POLR2B: variants seen among roughly 807,000 people sequenced by gnomAD.
The protein encoded by POLR2B is RNA polymerase II subunit B.
In POLR2B, 57 loss-of-function variants were observed where a neutral mutation model predicts 144.6. The ratio of observed to expected loss-of-function variants is 0.39; its 90% CI spans 0.32 to 0.49. The LOEUF is 0.49. Ranked by LOEUF, POLR2B falls within the 20% of genes least tolerant of loss-of-function variation. The pLI is 0.83. For missense variants in POLR2B, 595 were observed against 1,467.4 expected, an observed-to-expected ratio of 0.41 and a Z score of 9.71; for synonymous variants, 442 against 469.8, an observed-to-expected ratio of 0.94 and a Z score of 0.77.
intron 6 of POLR2B, 42 bp from the exon 7 acceptor site, chr4:56,999,575 G>A: frequency 7.4e-7 from 1 of 1,353,040 alleles, no homozygotes; most frequent in African/African-American, 1.5e-5. Context: ...ATTGCTGTGA[G>A]CTTTTGTATA....
intron 1 of POLR2B, among the ~76,000 whole-genome samples, chr4:56,982,683 G>A (rs1284229148): frequency 6.6e-6 from 1 of 151,762 alleles, no homozygotes; most frequent in East Asian, 1.9e-4. Flanking sequence ...TATTTATATA[G>A]CATTTACATT....
chr4:56,984,728 A>G (rs1275901071), intron 1 of POLR2B, among the ~76,000 whole-genome samples: 2 of 152,182 alleles, frequency 1.3e-5, no homozygotes, highest in Non-Finnish European at 2.9e-5. Context: ...TATTTTGTAT[A>G]TGTATCAAAT....
At chr4:57,003,535 A>C (rs917000359) in intron 7 of POLR2B, among the ~76,000 whole-genome samples, 4 of 152,160 alleles carry the variant, frequency 2.6e-5, no homozygotes, top group Admixed American at 6.5e-5. Context: ...GGCCTGGGCA[A>C]CATAATGAGA....
chr4:57,022,127 TACCTTTAGA>T lies in POLR2B; in HGVS notation c.2421-21_2421-13del. 1 of 1,371,050 alleles carries T rather than the reference TACCTTTAGA, an allele frequency of 7.3e-7. No individual in the cohort carries two copies. The highest frequency in any genetic ancestry group is 1.8e-4 in the Middle Eastern group (1 of 5,506). 84.9% of individuals were successfully genotyped at this position (1,371,050 alleles called of 1,614,324 possible). ...CCTTTTGTTAAAAGAAAATAGACTT[TACCTTTAGA>T]ACCATGTGTTTTTAGGTCTGTTTTC... On this transcript the variant is annotated splice_polypyrimidine_tract_variant and intron_variant, in intron 17 of 24. Coordinates refer to ENST00000314595, the MANE Select transcript of POLR2B (RefSeq NM_000938.3).
intron 6 of POLR2B, among the ~76,000 whole-genome samples, chr4:56,999,049 G>A (rs757235499): frequency 2.0e-5 from 3 of 152,074 alleles, no homozygotes; most frequent in East Asian, 1.9e-4. Flanking sequence ...TTGTATATGC[G>A]TACAATTAAA....
intron 16 of POLR2B, among the ~76,000 whole-genome samples, chr4:57,020,326 C>T (rs994993186): frequency 6.6e-6 from 1 of 152,160 alleles, no homozygotes; most frequent in Non-Finnish European, 1.5e-5. Flanking sequence ...GCCACCATGC[C>T]CGACCTAAAT....
intron 6 of POLR2B, among the ~76,000 whole-genome samples, chr4:56,996,206 A>ATATG (rs71889513): frequency 5.2e-5 from 6 of 115,344 alleles, no homozygotes; most frequent in East Asian, 2.6e-4. Flanking sequence ...ATTTCAGTTC[A>ATATG]TGTGTGTGTG....
intron 1 of POLR2B, among the ~76,000 whole-genome samples, chr4:56,979,632 TTAG>T (rs993790752): frequency 3.3e-5 from 5 of 152,296 alleles, no homozygotes; most frequent in African/African-American, 7.2e-5. Flanking sequence ...TATGGAATTC[TTAG>T]TAGTGGCCGA....
intron 2 of POLR2B, among the ~76,000 whole-genome samples, chr4:56,990,379 C>G (rs1028960343): frequency 2.6e-5 from 4 of 152,136 alleles, no homozygotes; most frequent in Non-Finnish European, 2.9e-5. Flanking sequence ...GCACATGCCA[C>G]CATGCCTGGC....
At chr4:56,998,451 C>T (rs907708986) in intron 6 of POLR2B, among the ~76,000 whole-genome samples, 1 of 152,258 alleles carries the variant, frequency 6.6e-6, no homozygotes, top group Non-Finnish European at 1.5e-5. Flanking sequence ...CCCGCCTTGG[C>T]CTCCCAGAGT....
intron 1 of POLR2B, among the ~76,000 whole-genome samples, chr4:56,981,622 T>C (rs1018869045): frequency 1.3e-5 from 2 of 152,248 alleles, no homozygotes; most frequent in Non-Finnish European, 2.9e-5. Context: ...AAATGTTTAT[T>C]AGATAACGTC....
In POLR2B at chr4:56,999,608, T is replaced by C; in HGVS notation, c.736-9T>C. 6.3e-7 allele frequency: 1 copy of C among 1,584,332 alleles called. No individual in the cohort carries two copies. Among genetic ancestry groups the C allele is most frequent in the Non-Finnish European group, 8.6e-7 (1 of 1,165,910 alleles). ...ATATTCATGTTCTAATGATACTTTA[T>C]TTTTCTAGGGTGCCAAGAAGAGTGC... On this transcript the variant is annotated splice_polypyrimidine_tract_variant and intron_variant, in intron 6 of 24. Coordinates refer to ENST00000314595, the MANE Select transcript of POLR2B (RefSeq NM_000938.3).
At chr4:56,979,553 T>G (rs989843705) in intron 1 of POLR2B, among the ~76,000 whole-genome samples, 7 of 152,178 alleles carry the variant, frequency 4.6e-5, no homozygotes, top group Admixed American at 2.0e-4. Flanking sequence ...CTTCTCACAA[T>G]GTCACAGTTC....
chr4:57,022,795 A>T (rs938929315), intron 18 of POLR2B, among the ~76,000 whole-genome samples: 5 of 152,210 alleles, frequency 3.3e-5, no homozygotes, highest in Non-Finnish European at 1.5e-5. Flanking sequence ...TCTGAATAGC[A>T]TTGCATGAAG....
In POLR2B at chr4:57,025,015, T is replaced by TA. The variant is rs1723669130; in HGVS notation, c.3078+17dup. The TA allele has an allele frequency of 7.9e-7, 1 of 1,257,896 alleles. No individual in the cohort carries two copies. Among genetic ancestry groups the TA allele is most frequent in the African/African-American group, 1.5e-5 (1 of 66,632 alleles). 77.9% of individuals were successfully genotyped at this position (1,257,896 alleles called of 1,614,324 possible). On this transcript the variant is annotated intron_variant, in intron 22 of 24. Coordinates refer to ENST00000314595, the MANE Select transcript of POLR2B (RefSeq NM_000938.3). ...AGGAAATGAGGTATATTTGCTCTTA[T>TA]AGTAGTAATTTGCCACTTGTTTTTT...
intron 23 of POLR2B, among the ~76,000 whole-genome samples, chr4:57,029,639 A>G (rs551446792): frequency 2.0e-5 from 3 of 152,204 alleles, no homozygotes; most frequent in Admixed American, 1.3e-4. Flanking sequence ...TCTTTCCATT[A>G]CTTCAGCCAA....
Position 57,005,581 on chromosome 4 carries a change from T to C in POLR2B, c.1098-19T>C. On this transcript the variant is annotated intron_variant, in intron 8 of 24. Coordinates refer to ENST00000314595, the MANE Select transcript of POLR2B (RefSeq NM_000938.3). ...TAAGTGTTTTCCCTCTTTCTTTCTT[T>C]CTTTTTTTTTTTTTAAAGATACATG... The C allele has an allele frequency of 2.1e-6, 3 of 1,447,186 alleles. No homozygotes were observed. Among genetic ancestry groups the C allele is most frequent in the Non-Finnish European group, 2.7e-6 (3 of 1,093,004 alleles). 89.6% of individuals were successfully genotyped at this position (1,447,186 alleles called of 1,614,324 possible).
intron 1 of POLR2B, among the ~76,000 whole-genome samples, chr4:56,979,241 G>A (rs948504846): frequency 6.6e-6 from 1 of 152,260 alleles, no homozygotes; most frequent in African/African-American, 2.4e-5. Flanking sequence ...TTCTCGTTCC[G>A]TTAGATCTGA....
chr4:56,995,394 G>C lies in POLR2B; in HGVS notation c.720G>C (p.Leu240=). Residue 240 remains leucine, a synonymous_variant, in exon 6 of 25, where the codon CTG becomes CTC. Coordinates refer to ENST00000314595, the MANE Select transcript of POLR2B (RefSeq NM_000938.3). ...RPTSTIWVSM[L]ARGGQGAKKS... is the part of the protein sequence containing the mutation. ...CCAGTACTATATGGGTTAGCATGCTGGCAAGAGGAGGACAGGTATGGACTG... is the reference window on the plus strand; with the variant it reads ...CCAGTACTATATGGGTTAGCATGCTCGCAAGAGGAGGACAGGTATGGACTG... 3 of 1,609,324 alleles carry C rather than the reference G, an allele frequency of 1.9e-6. No homozygotes were observed. The highest frequency in any genetic ancestry group is 2.5e-6 in the Non-Finnish European group (3 of 1,176,674).
Sources: allele counts gnomAD v4.1 joint callset (sites outside exome capture counted in the v4.1 genomes callset), GRCh38; gene constraint gnomAD v4.1.1; transcripts MANE v1.5; gene names NCBI Gene and HGNC (gene_info 2026-07-23, HGNC 2026-07-21).